The following RIMS2 variants were observed in gnomAD, a reference collection of about 807,000 sequenced individuals.
RIMS2 encodes regulating synaptic membrane exocytosis 2.
A neutral mutation model predicts 174.4 loss-of-function variants in RIMS2; 59 were observed. That is an observed-to-expected ratio of 0.34 (90% CI 0.27 to 0.42). RIMS2 has a LOEUF of 0.42. Ranked by LOEUF, RIMS2 falls within the 10% of genes least tolerant of loss-of-function variation. The pLI, the probability that RIMS2 is intolerant of heterozygous loss-of-function variation, is 1.00. For synonymous variants in RIMS2, 606 were observed against 572.5 expected (o/e 1.06, Z -0.84); for missense variants, 1,620 against 1,666.3 (o/e 0.97, Z 0.48).
intron 3 of RIMS2, among the ~76,000 whole-genome samples, chr8:103,786,521 G>T (rs1444447309): frequency 1.3e-5 from 2 of 152,022 alleles, no homozygotes. Flanking sequence ...CCTTCACTTC[G>T]TTATGTACCC....
intron 1 of RIMS2, among the ~76,000 whole-genome samples, chr8:103,529,574 C>T (rs142309459): frequency 0.031 from 4,711 of 152,322 alleles, 218 homozygotes; most frequent in African/African-American, 0.1. Context: ...CTTCTGCTTC[C>T]CGGGTGAGGC....
intron 12 of RIMS2, 89 bp downstream of exon 14, chr8:103,931,482 G>T (rs2079921902): frequency 3.4e-6 from 3 of 869,610 alleles, no homozygotes; most frequent in African/African-American, 1.7e-5. Flanking sequence ...TCATTTATTG[G>T]TATCATACTA....
chr8:104,216,030 T>C (rs542429879), intron 19 of RIMS2, among the ~76,000 whole-genome samples: 81 of 152,342 alleles, frequency 5.3e-4, no homozygotes, highest in African/African-American at 1.9e-3. Context: ...AAATATACTT[T>C]CATGGGTGGC....
chr8:104,100,598 T>G lies in RIMS2; in HGVS notation c.3334+85983T>G, dbSNP rs78445326. Among the ~76,000 whole-genome samples, 157 of 152,002 alleles carry G rather than the reference T, an allele frequency of 1.0e-3. 1 individual carries two copies. In the East Asian group the frequency reaches 0.021, roughly 20 times the overall value. ...AGCTATCCAAGCATTTTTGAGGATA[T>G]TGTTTCTTATGCTACTCATCCATTT... On this transcript the variant is annotated intron_variant, in intron 19 of 23. Transcript: ENST00000504942.
chr8:104,118,357 T>TTTTTGTTC (rs2098314359), intron 19 of RIMS2, among the ~76,000 whole-genome samples: 1 of 109,802 alleles, frequency 9.1e-6, no homozygotes. Flanking sequence ...ATTTTTTGTT[T>TTTTTGTTC]TTTTGTTTTT....
intron 1 of RIMS2, among the ~76,000 whole-genome samples, chr8:103,517,303 GCTGTGAAAAGCATTTAGACACGGA>G (rs1445970958): frequency 6.6e-6 from 1 of 152,154 alleles, no homozygotes; most frequent in Non-Finnish European, 1.5e-5. Flanking sequence ...TTAGACATAT[GCTGTGAAAAGCATTTAGACACGGA>G]CTGTGAAAAG....
chr8:103,622,786 G>A (rs1395791320), intron 1 of RIMS2, among the ~76,000 whole-genome samples: 1 of 152,186 alleles, frequency 6.6e-6, no homozygotes, highest in East Asian at 1.9e-4. Flanking sequence ...TGGCTAAACA[G>A]CCAGGGAAAC....
At chr8:103,535,592 T>C (rs1041224382) in intron 1 of RIMS2, among the ~76,000 whole-genome samples, 5 of 152,234 alleles carry the variant, frequency 3.3e-5, no homozygotes. Context: ...GTGGTGTACT[T>C]TGGCCATCTG....
intron 19 of RIMS2, among the ~76,000 whole-genome samples, chr8:104,201,875 C>T (rs1009664285): frequency 2.0e-5 from 3 of 152,104 alleles, no homozygotes; most frequent in Non-Finnish European, 2.9e-5. Flanking sequence ...ATTCAGATGA[C>T]TCATTCAGCT....
chr8:103,607,417 C>T (rs1369065111), intron 1 of RIMS2, among the ~76,000 whole-genome samples: 4 of 152,040 alleles, frequency 2.6e-5, no homozygotes, highest in East Asian at 3.9e-4. Context: ...CGACCTTTCT[C>T]TCTGGCTGCC....
At chr8:103,682,612 T>A (rs2136754194) in intron 1 of RIMS2, among the ~76,000 whole-genome samples, 1 of 152,202 alleles carries the variant, frequency 6.6e-6, no homozygotes, top group African/African-American at 2.4e-5. Context: ...GAAGATATGA[T>A]CTTGGCAAGG....
At chr8:103,760,068 C>T (rs762350778) in intron 2 of RIMS2, among the ~76,000 whole-genome samples, 1 of 152,076 alleles carries the variant, frequency 6.6e-6, no homozygotes, top group Non-Finnish European at 1.5e-5. Flanking sequence ...AAAATCAGAT[C>T]AAAAATAGAG....
At chr8:104,202,111 A>G (rs1284253112) in intron 19 of RIMS2, among the ~76,000 whole-genome samples, 1 of 152,170 alleles carries the variant, frequency 6.6e-6, no homozygotes, top group Non-Finnish European at 1.5e-5. Flanking sequence ...CTTTTAGGAA[A>G]CTTGAAGTCT....
intron 1 of RIMS2, among the ~76,000 whole-genome samples, chr8:103,562,245 A>G (rs981711597): frequency 1.3e-5 from 2 of 152,224 alleles, no homozygotes; most frequent in Non-Finnish European, 2.9e-5. Flanking sequence ...CCAAAGTCTC[A>G]TCTGAGACAA....
rs74715170 is a variant in RIMS2, at chr8:103,968,524, T to G, written c.2771-6826T>G. Among the ~76,000 whole-genome samples, 887 of 152,066 alleles carry G rather than the reference T, an allele frequency of 5.8e-3. 12 individuals are homozygous for G. Among genetic ancestry groups the G allele is most frequent in the African/African-American group, 0.02 (840 of 41,530 alleles). On this transcript the variant is annotated intron_variant, in intron 15 of 23. Transcript: ENST00000504942. ...TACTTCTTTTTCTTACCTTTTTTTT[T>G]GGGTAGGTACTCTAGAGTTTGTAGT...
At chr8:103,742,295 C>T (rs1054825053) in intron 2 of RIMS2, among the ~76,000 whole-genome samples, 2 of 152,038 alleles carry the variant, frequency 1.3e-5, no homozygotes, top group Admixed American at 1.3e-4. Context: ...TTTGAATTCT[C>T]TTCACTAGTG....
At chr8:103,640,076 A>T (rs1041586925) in intron 1 of RIMS2, among the ~76,000 whole-genome samples, 1 of 151,822 alleles carries the variant, frequency 6.6e-6, no homozygotes, top group Non-Finnish European at 1.5e-5. Context: ...TTTATGTATG[A>T]TTCAATTTTT....
chr8:103,886,532 C>T (rs1253588588), intron 4 of RIMS2, among the ~76,000 whole-genome samples: 1 of 151,758 alleles, frequency 6.6e-6, no homozygotes, highest in Non-Finnish European at 1.5e-5. Context: ...TTTAAAATAA[C>T]ATTTATTTTT....
intron 1 of RIMS2, among the ~76,000 whole-genome samples, chr8:103,600,911 C>T (rs1290119851): frequency 6.6e-6 from 1 of 152,118 alleles, no homozygotes; most frequent in Non-Finnish European, 1.5e-5. Context: ...TGAGAGATCC[C>T]ATTGTAGTTT....
Sources: allele counts gnomAD v4.1 joint callset (sites outside exome capture counted in the v4.1 genomes callset), GRCh38; gene constraint gnomAD v4.1.1; transcripts MANE v1.5; gene names NCBI Gene and HGNC (gene_info 2026-07-23, HGNC 2026-07-21).